The following CTNNA3 variants were observed in gnomAD, a reference collection of about 807,000 sequenced individuals.
CTNNA3 encodes catenin alpha-3.
A neutral mutation model predicts 95.7 loss-of-function variants in CTNNA3; 76 were observed. The observed-to-expected ratio is 0.79, with a 90% CI of 0.66 to 0.96. The LOEUF (loss-of-function observed/expected upper bound fraction) is 0.96, where lower values mean the gene tolerates loss of function less well. CTNNA3 is among the 40% of genes least tolerant of loss of function. The pLI, the probability that CTNNA3 is intolerant of heterozygous loss-of-function variation, is 0.00. For missense variants in CTNNA3, 1,191 were observed against 1,089.8 expected, an observed-to-expected ratio of 1.09 and a Z score of -1.31; for synonymous variants, 431 against 374.4, an observed-to-expected ratio of 1.15 and a Z score of -1.74.
chr10:65,944,747 A>G (rs1018722566), intron 17 of CTNNA3, among the ~76,000 whole-genome samples: 4 of 152,314 alleles, frequency 2.6e-5, no homozygotes, highest in African/African-American at 9.6e-5. Flanking sequence ...TAATTAAATT[A>G]AATGGTACAA....
chr10:66,013,308 T>C (rs1017761394), intron 15 of CTNNA3, among the ~76,000 whole-genome samples: 1 of 152,200 alleles, frequency 6.6e-6, no homozygotes, highest in Non-Finnish European at 1.5e-5. Flanking sequence ...ATATCAACCA[T>C]TGTATTGAGT....
chr10:66,827,802 T>A (rs1842569137), intron 7 of CTNNA3, among the ~76,000 whole-genome samples: 1 of 152,238 alleles, frequency 6.6e-6, no homozygotes, highest in Non-Finnish European at 1.5e-5. Context: ...GTATTCCATT[T>A]CTGAAAGTAA....
intron 10 of CTNNA3, among the ~76,000 whole-genome samples, chr10:66,618,430 T>C (rs1233635150): frequency 1.3e-5 from 2 of 152,108 alleles, no homozygotes; most frequent in African/African-American, 4.8e-5. Flanking sequence ...ATCTGATCTT[T>C]GACAAACCTG....
chr10:66,974,525 A>G (rs1455122197), intron 7 of CTNNA3, among the ~76,000 whole-genome samples: 1 of 152,184 alleles, frequency 6.6e-6, no homozygotes, highest in Non-Finnish European at 1.5e-5. Flanking sequence ...AATATTTAGA[A>G]TTGTAATTAC....
chr10:67,245,644 A>T (rs1564508875), intron 5 of CTNNA3, among the ~76,000 whole-genome samples: 1 of 151,998 alleles, frequency 6.6e-6, no homozygotes, highest in Admixed American at 6.6e-5. Context: ...CGGATCACGA[A>T]GTCAAGAGAT....
At chr10:67,740,954 A>C (rs1841333770) in intron 1 of CTNNA3, among the ~76,000 whole-genome samples, 1 of 151,488 alleles carries the variant, frequency 6.6e-6, no homozygotes, top group Non-Finnish European at 1.5e-5. Flanking sequence ...TGTGGTACAT[A>C]TACACCATGG....
At chr10:67,019,086 GTTAAT>G (rs1270531780) in intron 7 of CTNNA3, among the ~76,000 whole-genome samples, 2 of 152,266 alleles carry the variant, frequency 1.3e-5, no homozygotes, top group African/African-American at 4.8e-5. Flanking sequence ...TATTTTCTGA[GTTAAT>G]TAATGAATCA....
chr10:66,170,535 A>C (rs1302568693), intron 13 of CTNNA3, among the ~76,000 whole-genome samples: 1 of 152,202 alleles, frequency 6.6e-6, no homozygotes, highest in East Asian at 1.9e-4. Context: ...ATGCAGATCC[A>C]AACAGATAAA....
intron 1 of CTNNA3, among the ~76,000 whole-genome samples, chr10:67,749,577 A>G (rs1424306024): frequency 6.6e-6 from 1 of 152,244 alleles, no homozygotes; most frequent in East Asian, 1.9e-4. Flanking sequence ...TAAATAATGA[A>G]ATTAAGAGAG....
intron 12 of CTNNA3, among the ~76,000 whole-genome samples, chr10:66,335,898 G>A (rs964863222): frequency 3.3e-5 from 5 of 152,086 alleles, no homozygotes; most frequent in African/African-American, 7.2e-5. Flanking sequence ...CTTCCCAGCC[G>A]CTTTGTTTAC....
At chr10:66,444,590 G>A (rs1470605185) in intron 11 of CTNNA3, among the ~76,000 whole-genome samples, 1 of 152,026 alleles carries the variant, frequency 6.6e-6, no homozygotes, top group Non-Finnish European at 1.5e-5. Context: ...CATAAGTGAA[G>A]GAGAAATAAA....
intron 9 of CTNNA3, among the ~76,000 whole-genome samples, chr10:66,734,748 A>G: frequency 6.6e-6 from 1 of 152,006 alleles, no homozygotes; most frequent in Admixed American, 6.6e-5. Flanking sequence ...CTGTAATTCC[A>G]GCTACTCAGG....
chr10:67,150,289 TTTTAA>T (rs1349605908), intron 7 of CTNNA3, among the ~76,000 whole-genome samples: 1 of 152,196 alleles, frequency 6.6e-6, no homozygotes, highest in Non-Finnish European at 1.5e-5. Flanking sequence ...CAATATCTAC[TTTTAA>T]TTTGTCTGAA....
intron 3 of CTNNA3, among the ~76,000 whole-genome samples, chr10:67,585,383 A>AT (rs1842589780): frequency 6.6e-6 from 1 of 152,260 alleles, no homozygotes; most frequent in Non-Finnish European, 1.5e-5. Context: ...TTCCTCCTCA[A>AT]TTTTTTGTAA....
chr10:67,724,159 C>T (rs1841195509), intron 1 of CTNNA3, among the ~76,000 whole-genome samples: 1 of 152,134 alleles, frequency 6.6e-6, no homozygotes, highest in African/African-American at 2.4e-5. Context: ...CTGGTGTTAC[C>T]ACCCAGATGA....
chr10:67,281,123 C>G (rs1213662462), intron 5 of CTNNA3, among the ~76,000 whole-genome samples: 1 of 151,370 alleles, frequency 6.6e-6, no homozygotes, highest in Non-Finnish European at 1.5e-5. Flanking sequence ...AGGTCATGAT[C>G]TTTACACTTT....
At chr10:67,739,475 C>A (rs1295054561) in intron 1 of CTNNA3, among the ~76,000 whole-genome samples, 1 of 152,130 alleles carries the variant, frequency 6.6e-6, no homozygotes, top group Non-Finnish European at 1.5e-5. Flanking sequence ...GATACAAAAT[C>A]AGTGTGCAAA....
chr10:66,397,195 A>G (rs2092985141), intron 11 of CTNNA3, among the ~76,000 whole-genome samples: 1 of 151,734 alleles, frequency 6.6e-6, no homozygotes, highest in African/African-American at 2.4e-5. Flanking sequence ...TATATTTTCC[A>G]TAAAATAATA....
chr10:66,490,788 G>T (rs1839896677), intron 11 of CTNNA3, among the ~76,000 whole-genome samples: 1 of 152,150 alleles, frequency 6.6e-6, no homozygotes, highest in Non-Finnish European at 1.5e-5. Context: ...TGGCCTCTAT[G>T]CATGAGGAAG....
Sources: allele counts gnomAD v4.1 joint callset (sites outside exome capture counted in the v4.1 genomes callset), GRCh38; gene constraint gnomAD v4.1.1; transcripts MANE v1.5; gene names NCBI Gene and HGNC (gene_info 2026-07-23, HGNC 2026-07-21).